The following PDE7B variants were observed in gnomAD, a reference collection of about 807,000 sequenced individuals.
PDE7B encodes the protein 3',5'-cyclic-AMP phosphodiesterase 7B.
In PDE7B, 29 loss-of-function variants were observed where a neutral mutation model predicts 56.2. The observed-to-expected ratio is 0.52, with a 90% CI of 0.38 to 0.70. The LOEUF is 0.70. Among genes scored for constraint, PDE7B ranks in the 30% least tolerant of loss-of-function variants. The pLI, the probability that PDE7B is intolerant of heterozygous loss-of-function variation, is 0.00. For synonymous variants in PDE7B, 197 were observed against 196.9 expected, an observed-to-expected ratio of 1.00 and a Z score of 0.00; for missense variants, 490 against 565.0, an observed-to-expected ratio of 0.87 and a Z score of 1.35.
intron 1 of PDE7B, among the ~76,000 whole-genome samples, chr6:135,941,521 T>C (rs1239710221): frequency 1.3e-5 from 2 of 152,234 alleles, no homozygotes; most frequent in Admixed American, 6.5e-5. Flanking sequence ...ACTTTCCCAA[T>C]TGTGGCCCAC....
chr6:136,084,826 A>ATTAC (rs1777262524), intron 2 of PDE7B, among the ~76,000 whole-genome samples: 1 of 152,168 alleles, frequency 6.6e-6, no homozygotes, highest in Non-Finnish European at 1.5e-5. Flanking sequence ...TGCTTTAGTA[A>ATTAC]ATCAAGTCTC....
At chr6:135,870,893 G>A (rs1240118442) in intron 1 of PDE7B, among the ~76,000 whole-genome samples, 3 of 152,168 alleles carry the variant, frequency 2.0e-5, no homozygotes, top group Admixed American at 2.0e-4. Flanking sequence ...TGGGAAAGGA[G>A]GAGGAGCAGG....
chr6:135,853,976 C>A (rs750697474), intron 1 of PDE7B, among the ~76,000 whole-genome samples: 2 of 152,106 alleles, frequency 1.3e-5, no homozygotes, highest in Non-Finnish European at 2.9e-5. Flanking sequence ...TTGAAAAGCA[C>A]TTTTGGTGTC....
At chr6:135,906,832 T>TTTTTTTTTTTTTTTTTTTTTTTTTTTG (rs1257351941) in intron 1 of PDE7B, among the ~76,000 whole-genome samples, 1 of 144,008 alleles carries the variant, frequency 6.9e-6, no homozygotes, top group African/African-American at 2.7e-5. Flanking sequence ...TTTTTTTTTT[T>TTTTTTTTTTTTTTTTTTTTTTTTTTTG]TTTTAATCCT....
intron 2 of PDE7B, among the ~76,000 whole-genome samples, chr6:136,059,526 C>A (rs1024890924): frequency 6.6e-6 from 1 of 152,196 alleles, no homozygotes; most frequent in Non-Finnish European, 1.5e-5. Flanking sequence ...TCGCTTGAAA[C>A]AGAGCCCGCA....
At chr6:136,120,687 G>C (rs994704629) in intron 3 of PDE7B, among the ~76,000 whole-genome samples, 1 of 152,136 alleles carries the variant, frequency 6.6e-6, no homozygotes, top group Non-Finnish European at 1.5e-5. Context: ...GGGGCAGCCC[G>C]AGGGGCCACC....
intron 1 of PDE7B, among the ~76,000 whole-genome samples, chr6:135,906,813 T>TTTTC (rs1191015999): frequency 9.1e-6 from 1 of 109,294 alleles, no homozygotes; most frequent in Non-Finnish European, 1.8e-5. Context: ...GAGGTTTGTT[T>TTTTC]TTTTTTTTTT....
intron 2 of PDE7B, among the ~76,000 whole-genome samples, chr6:136,003,807 A>G (rs544310653): frequency 6.6e-6 from 1 of 152,308 alleles, no homozygotes; most frequent in South Asian, 2.1e-4. Context: ...TTCTGAAACT[A>G]TTCCAATCAA....
chr6:135,937,152 T>G (rs1562446052), intron 1 of PDE7B, among the ~76,000 whole-genome samples: 1 of 152,208 alleles, frequency 6.6e-6, no homozygotes. Flanking sequence ...TCCTGTTCAG[T>G]GTGGTGAGGA....
At position 135,890,705 on chromosome 6, in the gene PDE7B, ATGCAAGGCAAGT is replaced by A. The variant is rs548482586; in HGVS notation, c.21+38691_21+38702del. Reference sequence around the variant, plus strand: ...CACTATAAACTCACCTATTTTGTTGATGCAAGGCAAGTTGCACTAAGTTTAGGAAAGCAAAAA... The same window carrying A: ...CACTATAAACTCACCTATTTTGTTGATGCACTAAGTTTAGGAAAGCAAAAA... On this transcript the variant is annotated intron_variant, in intron 1 of 12. Transcript: ENST00000308191. Among the ~76,000 whole-genome samples the A allele has an allele frequency of 6.4e-4, 97 of 152,306 alleles. 1 individual carries two copies. Among genetic ancestry groups the A allele is most frequent in the African/African-American group, 1.9e-3 (79 of 41,570 alleles).
At chr6:136,150,057 T>C (rs1037487528) in intron 5 of PDE7B, among the ~76,000 whole-genome samples, 6 of 152,198 alleles carry the variant, frequency 3.9e-5, no homozygotes, top group Admixed American at 3.9e-4. Context: ...CAATGGTATT[T>C]GTTTAAAAGA....
At chr6:136,073,156 A>G (rs1583865989) in intron 2 of PDE7B, among the ~76,000 whole-genome samples, 2 of 152,162 alleles carry the variant, frequency 1.3e-5, no homozygotes, top group Admixed American at 1.3e-4. Flanking sequence ...TTCATATCAC[A>G]CAACTAGGGC....
At chr6:135,856,864 G>A (rs1424832603) in intron 1 of PDE7B, among the ~76,000 whole-genome samples, 1 of 152,108 alleles carries the variant, frequency 6.6e-6, no homozygotes, top group East Asian at 1.9e-4. Flanking sequence ...ATATTTATGT[G>A]TATACAGTAT....
intron 1 of PDE7B, among the ~76,000 whole-genome samples, chr6:135,883,269 A>G (rs1372992087): frequency 6.6e-6 from 1 of 152,186 alleles, no homozygotes; most frequent in Non-Finnish European, 1.5e-5. Context: ...GTGTCCTAAC[A>G]GCTCTGTTTA....
intron 2 of PDE7B, among the ~76,000 whole-genome samples, chr6:136,056,338 A>G (rs1776731074): frequency 6.6e-6 from 1 of 152,158 alleles, no homozygotes; most frequent in African/African-American, 2.4e-5. Flanking sequence ...TATAACGGTG[A>G]TATGACTTCT....
intron 1 of PDE7B, among the ~76,000 whole-genome samples, chr6:135,862,817 A>G (rs1318831920): frequency 6.6e-6 from 1 of 151,818 alleles, no homozygotes; most frequent in Non-Finnish European, 1.5e-5. Context: ...AAAGAAGCAA[A>G]TTTATTTTTC....
intron 9 of PDE7B, among the ~76,000 whole-genome samples, chr6:136,177,217 C>G (rs1778992211): frequency 6.6e-6 from 1 of 152,018 alleles, no homozygotes; most frequent in Non-Finnish European, 1.5e-5. Context: ...AATCCTAGCA[C>G]TTTGGGAGGT....
chr6:135,861,328 G>C (rs769496177), intron 1 of PDE7B, among the ~76,000 whole-genome samples: 1 of 151,448 alleles, frequency 6.6e-6, no homozygotes, highest in African/African-American at 2.4e-5. Context: ...AATAATTTAC[G>C]CCCCCACCAA....
At chr6:135,923,517 CA>C (rs1774129705) in intron 1 of PDE7B, among the ~76,000 whole-genome samples, 1 of 151,740 alleles carries the variant, frequency 6.6e-6, no homozygotes, top group Non-Finnish European at 1.5e-5. Flanking sequence ...ATGGGTCATT[CA>C]AAAAATGGTA....
Sources: allele counts gnomAD v4.1 joint callset (sites outside exome capture counted in the v4.1 genomes callset), GRCh38; gene constraint gnomAD v4.1.1; transcripts MANE v1.5; gene names NCBI Gene and HGNC (gene_info 2026-07-23, HGNC 2026-07-21).